Variants in SELPLG observed in about 807,000 individuals in gnomAD.
SELPLG encodes the protein selectin P ligand, also known as P-selectin glycoprotein ligand 1.
A neutral mutation model predicts 1.1 loss-of-function variants in SELPLG; 2 were observed. The observed-to-expected ratio is 1.82, with a 90% CI of 0.74 to 5.71. SELPLG has a LOEUF of 5.71. SELPLG is among the 30% of genes most tolerant of loss of function. The probability of loss-of-function intolerance (pLI) is 0.05; values close to 1 mark genes in which losing one functional copy is unlikely to be tolerated. For synonymous variants in SELPLG, 230 were observed against 221.2 expected, an observed-to-expected ratio of 1.04 and a Z score of -0.35; for missense variants, 478 against 524.7, an observed-to-expected ratio of 0.91 and a Z score of 0.87.
At chr12:108,631,676 A>G (rs1157922494) in intron 1 of SELPLG, among the ~76,000 whole-genome samples, 1 of 151,988 alleles carries the variant, frequency 6.6e-6, no homozygotes, top group Non-Finnish European at 1.5e-5. Flanking sequence ...CCCACCAAGA[A>G]CCAAGTTACA....
Position 108,623,756 on chromosome 12 carries a change from A to G in SELPLG, c.552T>C (p.Thr184=), listed in dbSNP as rs1335924522. 6.2e-7 allele frequency: 1 copy of G among 1,608,526 alleles called. No homozygotes were observed. The change falls in exon 2 of 2, where the codon ACT becomes ACC. Residue 184 remains threonine (T), a synonymous_variant. Transcript: ENST00000550948. ...TCTGTGCCTCCAGGCCTGTGGGTTG[A>G]GTGGTCTGTGCTTCCGTGGCTGCTG... is the stretch of plus-strand genomic sequence containing the variant. ...TPPAATEAQT[T]QPTGLEAQTT... is the part of the protein sequence containing the mutation.
At chr12:108,624,349 G>T in intron 1 of SELPLG, 37 bp from the exon 2 acceptor site, 2 of 1,593,614 alleles carry the variant, frequency 1.3e-6, no homozygotes. Context: ...TGTCAAGACA[G>T]TTTCACCCTT....
chr12:108,623,937 G>A lies in SELPLG; in HGVS notation c.371C>T (p.Thr124Ile). The A allele has an allele frequency of 1.2e-6, 2 of 1,613,466 alleles. No individual in the cohort carries two copies. Among genetic ancestry groups the A allele is most frequent in the South Asian group, 2.2e-5 (2 of 91,028 alleles). Residue 124 changes from threonine (T) to isoleucine (I), a missense_variant, in exon 2 of 2, where the codon ACT becomes ATT. Transcript: ENST00000550948. ...CTGTGCCTCCGTGGCTGCTGGTTGA[G>A]TGGTCTGTATCTCCATAGCTGCTGA... ...TDSAAMEIQT[T>I]QPAATEAQTT...
chr12:108,624,560 A>T (rs2031899579), intron 1 of SELPLG, among the ~76,000 whole-genome samples: 1 of 152,222 alleles, frequency 6.6e-6, no homozygotes, highest in African/African-American at 2.4e-5. Context: ...TAGATGGTGC[A>T]TAGAAATTGA....
Position 108,627,300 on chromosome 12 carries a change from G to A in SELPLG, c.-5-2988C>T, listed in dbSNP as rs1033819444. Reference sequence around the variant, plus strand: ...GTGAGGTTCAGGAAGGCATGAGGCCGTCAGGAGACACCTGACCTAGTTGAG... The same window carrying A: ...GTGAGGTTCAGGAAGGCATGAGGCCATCAGGAGACACCTGACCTAGTTGAG... On this transcript the variant is annotated intron_variant, in intron 1 of 1. Coordinates refer to ENST00000550948, the MANE Select transcript of SELPLG (RefSeq NM_003006.4). 1.4e-4 allele frequency among the ~76,000 whole-genome samples: 22 copies of A among 152,176 alleles called. 1 individual carries two copies. Among genetic ancestry groups the A allele is most frequent in the Admixed American group, 3.9e-4 (6 of 15,280 alleles).
At chr12:108,631,983 G>A in intron 1 of SELPLG, 1 of 1,507,778 alleles carries the variant, frequency 6.6e-7, no homozygotes, top group Non-Finnish European at 8.9e-7. Flanking sequence ...GCAGCCAGAA[G>A]CCATGCCGCC....
chr12:108,630,935 C>A lies in SELPLG; in HGVS notation c.-6+2805G>T, dbSNP rs1460358680. The stretch of plus-strand genomic sequence containing the variant: ...GATTCAGCCGATGGGCAGGCACACA[C>A]CCCTCGCAACACTCGCCCCAGTGGC... On this transcript the variant is annotated intron_variant, in intron 1 of 1. Coordinates refer to ENST00000550948, the MANE Select transcript of SELPLG (RefSeq NM_003006.4). 2.0e-5 allele frequency among the ~76,000 whole-genome samples: 3 copies of A among 152,222 alleles called. No individual in the cohort carries two copies. In the East Asian group the frequency reaches 5.8e-4, roughly 29 times the overall value.
At chr12:108,633,673 A>G (rs2032100619) in intron 1 of SELPLG, 67 bp downstream of exon 1, 2 of 152,292 alleles carry the variant, frequency 1.3e-5, no homozygotes, top group East Asian at 3.8e-4. Flanking sequence ...GCCAGCAGCT[A>G]TAAGGCAGGC....
chr12:108,632,113 C>T, intron 1 of SELPLG: 1 of 607,362 alleles, frequency 1.6e-6, no homozygotes, highest in African/African-American at 1.8e-5. Context: ...CCACTCTGGG[C>T]CCAGCCTAGC....
chr12:108,626,128 CTTTT>C (rs573374699), intron 1 of SELPLG, among the ~76,000 whole-genome samples: 11 of 125,732 alleles, frequency 8.7e-5, no homozygotes, highest in African/African-American at 2.8e-4. Flanking sequence ...GGTTTCTTTT[CTTTT>C]TTTTTTTTTT....
Position 108,623,482 on chromosome 12 carries a change from G to A in SELPLG, c.826C>T (p.Pro276Ser). 3 of 1,614,270 alleles carry A rather than the reference G, an allele frequency of 1.9e-6. No homozygotes were observed. Among genetic ancestry groups the A allele is most frequent in the Non-Finnish European group, 2.5e-6 (3 of 1,180,054 alleles). The change falls in exon 2 of 2, where the codon CCT (proline) becomes TCT (serine). Residue 276 changes from proline to serine, a missense_variant. Coordinates refer to ENST00000550948, the MANE Select transcript of SELPLG (RefSeq NM_003006.4). ...ATGAACAGACCTCTTTTGGTAGTAG[G>A]TTCCATGGACAGGGCCTCTGTGGCA... ...PSATEALSME[P>S]TTKRGLFIPF...
chr12:108,631,492 A>C (rs1367021835), intron 1 of SELPLG, among the ~76,000 whole-genome samples: 1 of 152,136 alleles, frequency 6.6e-6, no homozygotes, highest in Non-Finnish European at 1.5e-5. Flanking sequence ...CAAGCAATCC[A>C]TCTGCTTCAG....
rs8179157 is a variant in SELPLG at position 108,631,335 on chromosome 12, T to C, written c.-6+2405A>G. Among the ~76,000 whole-genome samples, 1,004 of 152,300 alleles carry C rather than the reference T, an allele frequency of 6.6e-3. 8 individuals carry two copies. The highest frequency in any genetic ancestry group is 0.011 in the Non-Finnish European group (729 of 68,028). On this transcript the variant is annotated intron_variant, in intron 1 of 1. Coordinates refer to ENST00000550948, the MANE Select transcript of SELPLG (RefSeq NM_003006.4). ...TCGACTACAGTGGTGCAATCATAGC[T>C]CACTGCAGGCTTGAACTCCTGGGCT...
At chr12:108,625,771 A>G (rs1310559560) in intron 1 of SELPLG, among the ~76,000 whole-genome samples, 3 of 152,036 alleles carry the variant, frequency 2.0e-5, no homozygotes, top group Non-Finnish European at 4.4e-5. Context: ...CTCTCCCCTC[A>G]TGCTCTCCTT....
intron 1 of SELPLG, among the ~76,000 whole-genome samples, chr12:108,624,942 G>T (rs1425606723): frequency 1.3e-5 from 2 of 151,930 alleles, no homozygotes; most frequent in East Asian, 3.9e-4. Flanking sequence ...TGCCCACCTT[G>T]GCCTTCCACA....
Position 108,623,730 on chromosome 12 carries a change from G to A in SELPLG, c.578C>T (p.Thr193Ile). 6.2e-7 allele frequency: 1 copy of A among 1,607,362 alleles called. No homozygotes were observed. Among genetic ancestry groups the A allele is most frequent in the Non-Finnish European group, 8.5e-7 (1 of 1,177,826 alleles). Residue 193 changes from threonine to isoleucine, a missense_variant, in exon 2 of 2, where the codon ACC becomes ATC. Physicochemically the swap from Thr to Ile is moderately conservative, Grantham distance 89. Transcript: ENST00000550948. ...TGCCTCCATGGCTGCTGGTGCAGTG[G>A]TCTGTGCCTCCAGGCCTGTGGGTTG... ...TTQPTGLEAQTTAPAAMEAQT... is the reference protein window; with the variant it reads ...TTQPTGLEAQITAPAAMEAQT...
At chr12:108,626,754 G>A (rs1445513107) in intron 1 of SELPLG, among the ~76,000 whole-genome samples, 1 of 152,018 alleles carries the variant, frequency 6.6e-6, no homozygotes, top group Non-Finnish European at 1.5e-5. Context: ...TCCTGCCTCG[G>A]CCTCTCAAAG....
chr12:108,623,510 G>A lies in SELPLG; in HGVS notation c.798C>T (p.Pro266=). The A allele has an allele frequency of 6.2e-7, 1 of 1,614,232 alleles. No individual in the cohort carries two copies. Among genetic ancestry groups the A allele is most frequent in the Non-Finnish European group, 8.5e-7 (1 of 1,180,046 alleles). ...LAAMEALSTE[P]SATEALSMEP... Reference sequence around the variant, plus strand: ...CCATGGACAGGGCCTCTGTGGCACTGGGTTCTGTGGACAGGGCCTCCATGG... The same window carrying A: ...CCATGGACAGGGCCTCTGTGGCACTAGGTTCTGTGGACAGGGCCTCCATGG... The change falls in exon 2 of 2, where the codon CCC becomes CCT. Residue 266 remains proline (P), a synonymous_variant. Coordinates refer to ENST00000550948, the MANE Select transcript of SELPLG (RefSeq NM_003006.4).
At chr12:108,632,424 GTGTGAA>G (rs757358454) in intron 1 of SELPLG, among the ~76,000 whole-genome samples, 4,070 of 149,516 alleles carry the variant, frequency 0.027, 175 homozygotes, top group African/African-American at 0.098. Flanking sequence ...GTGTGTGTGT[GTGTGAA>G]TGTGTGTACA....
Sources: gnomAD v4.1 joint callset for allele counts (sites outside exome capture counted in the v4.1 genomes callset) on GRCh38, gnomAD v4.1.1 for gene constraint, MANE v1.5 for transcripts, NCBI Gene and HGNC (gene_info 2026-07-23, HGNC 2026-07-21) for gene names.